The following NUP214 variants were observed in gnomAD, a reference collection of about 807,000 sequenced individuals.
NUP214 encodes nucleoporin 214, also known as nuclear pore complex protein Nup214.
A neutral mutation model predicts 196.2 loss-of-function variants in NUP214; 79 were observed. The ratio of observed to expected loss-of-function variants is 0.40; its 90% CI spans 0.34 to 0.49. NUP214 has a LOEUF of 0.49. Among genes scored for constraint, NUP214 ranks in the 20% least tolerant of loss-of-function variants. The pLI is 0.58. For synonymous variants in NUP214, 1,020 were observed against 990.5 expected (o/e 1.03, Z -0.56); for missense variants, 2,468 against 2,539.0 (o/e 0.97, Z 0.60).
At chr9:131,230,300 AT>A in intron 33 of NUP214, 1 of 254,630 alleles carries the variant, frequency 3.9e-6, no homozygotes, top group Non-Finnish European at 7.6e-6. Context: ...AAATGATAGA[AT>A]AAAGCTTAAG....
chr9:131,212,104 T>C (rs1313119136), intron 30 of NUP214, among the ~76,000 whole-genome samples: 1 of 152,204 alleles, frequency 6.6e-6, no homozygotes, highest in African/African-American at 2.4e-5. Flanking sequence ...GTGTCTGTCT[T>C]ACACGGTTGT....
chr9:131,137,615 A>C (rs905492993), intron 9 of NUP214, among the ~76,000 whole-genome samples: 2 of 129,956 alleles, frequency 1.5e-5, no homozygotes, highest in African/African-American at 6.0e-5. Flanking sequence ...CATTGGCGCC[A>C]TCTTGGCTCA....
intron 31 of NUP214, among the ~76,000 whole-genome samples, chr9:131,220,756 T>C (rs1192859002): frequency 6.6e-6 from 1 of 152,202 alleles, no homozygotes; most frequent in African/African-American, 2.4e-5. Flanking sequence ...GACACAGCTA[T>C]TAGGTAATCT....
intron 14 of NUP214, among the ~76,000 whole-genome samples, chr9:131,149,258 T>C (rs1832180868): frequency 6.6e-6 from 1 of 152,052 alleles, no homozygotes; most frequent in East Asian, 1.9e-4. Flanking sequence ...TGTTTGCTGT[T>C]AATGAATGCT....
rs1833092300 is a variant in NUP214, at chr9:131,175,591, C to T, written c.3289C>T (p.Leu1097Phe). The T allele has an allele frequency of 6.2e-7, 1 of 1,614,186 alleles. No homozygotes were observed. Among genetic ancestry groups the T allele is most frequent in the Non-Finnish European group, 8.5e-7 (1 of 1,180,036 alleles). Reference sequence around the variant, plus strand: ...CCCGCAGGCAGCTGCCGCAGCAGCACTCAGGCGGCAGATGGCCAGTCAGGC... The same window carrying T: ...CCCGCAGGCAGCTGCCGCAGCAGCATTCAGGCGGCAGATGGCCAGTCAGGC... The part of the protein sequence containing the change: ...SAPQAAAAAA[L>F]RRQMASQAPA... The change falls in exon 23 of 36, where the codon CTC becomes TTC. Residue 1097 changes from leucine to phenylalanine, a missense_variant. By Grantham distance (22) the Leu-to-Phe change is conservative. This residue lies in a region of NUP214 where 1,801 missense variants were observed against 1,779.4 expected (regional missense o/e 1.01). Coordinates refer to ENST00000359428, the MANE Select transcript of NUP214 (RefSeq NM_005085.4).
intron 29 of NUP214, among the ~76,000 whole-genome samples, chr9:131,199,540 G>A (rs1423480763): frequency 2.6e-5 from 4 of 152,080 alleles, no homozygotes; most frequent in Admixed American, 2.0e-4. Flanking sequence ...TTTGATTTGG[G>A]TTCTTTTCTA....
chr9:131,190,536 G>T (rs930359374), intron 26 of NUP214: 13 of 668,608 alleles, frequency 1.9e-5, no homozygotes, highest in Admixed American at 1.2e-4. Context: ...TTCCCTGAAA[G>T]GTGCTGCTTA....
intron 25 of NUP214, among the ~76,000 whole-genome samples, chr9:131,187,847 A>G (rs558078571): frequency 6.6e-6 from 1 of 152,364 alleles, no homozygotes; most frequent in East Asian, 1.9e-4. Flanking sequence ...TAATCAGGGT[A>G]GGTCAGTCAG....
Position 131,146,049 on chromosome 9 carries a change from C to T in NUP214, c.1770-80C>T. On this transcript the variant is annotated intron_variant, in intron 12 of 35. Coordinates refer to ENST00000359428, the MANE Select transcript of NUP214 (RefSeq NM_005085.4). This position sits in a 1 kb window ranked among gnomAD's most constrained non-coding sequence, Gnocchi z 4.6. ...GTTAACATAAAAGATAATAAGTTAT[C>T]TTTTGATGACATTGCTCATGCTAGT... 1 of 1,299,024 alleles carries T rather than the reference C, an allele frequency of 7.7e-7. No individual in the cohort carries two copies. Among genetic ancestry groups the T allele is most frequent in the Non-Finnish European group, 1.1e-6 (1 of 923,558 alleles). 80.5% of individuals were successfully genotyped at this position (1,299,024 alleles called of 1,614,324 possible).
chr9:131,158,085 A>AT (rs1272508318), intron 17 of NUP214, among the ~76,000 whole-genome samples: 2 of 147,908 alleles, frequency 1.4e-5, no homozygotes, highest in East Asian at 4.1e-4. Context: ...GCCCGGCCTG[A>AT]TTTTTTGTTT....
At chr9:131,127,382 C>CA in intron 1 of NUP214, 142 bp from the exon 2 acceptor site, 10 of 663,248 alleles carry the variant, frequency 1.5e-5, no homozygotes, top group Non-Finnish European at 2.2e-5. Context: ...GACTCCATCT[C>CA]AAAAAAGAAA....
intron 11 of NUP214, among the ~76,000 whole-genome samples, chr9:131,142,433 GC>G (rs1394954006): frequency 2.0e-5 from 3 of 152,250 alleles, no homozygotes; most frequent in Non-Finnish European, 2.9e-5. Context: ...CGTCCCATCA[GC>G]TAAGTCTAGC....
Position 131,206,397 on chromosome 9 carries a change from C to T in NUP214, c.5592+4680C>T, listed in dbSNP as rs548890485. Among the ~76,000 whole-genome samples the T allele has an allele frequency of 8.6e-5, 13 of 151,650 alleles. No individual in the cohort carries two copies. In the South Asian group the frequency reaches 1.2e-3, roughly 15 times the overall value. ...CTGGGCTTAAGCAATCTGCCTGCCT[C>T]GGCCTCCCAAAGTGCTGAGATTAGA... On this transcript the variant is annotated intron_variant, in intron 30 of 35. Coordinates refer to ENST00000359428, the MANE Select transcript of NUP214 (RefSeq NM_005085.4).
rs1834906953 is a variant in NUP214 at position 131,232,485 on chromosome 9, G to A, written c.6239+177G>A. ...GGGTTTTGTGGACTTGCTCTTCTCT[G>A]TAGCAATATGGCAGGAGGTGCCAGG... is the stretch of plus-strand genomic sequence containing the variant. On this transcript the variant is annotated intron_variant, in intron 35 of 35. Coordinates refer to ENST00000359428, the MANE Select transcript of NUP214 (RefSeq NM_005085.4). The surrounding 1 kb of genome is among the most constrained non-coding windows in gnomAD (Gnocchi z 5.1). 1.4e-6 allele frequency: 1 copy of A among 690,204 alleles called. No homozygotes were observed. The highest frequency in any genetic ancestry group is 2.6e-6 in the Non-Finnish European group (1 of 383,314). 42.8% of individuals were successfully genotyped at this position (690,204 alleles called of 1,614,324 possible).
At chr9:131,152,919 G>C (rs7023246) in intron 17 of NUP214, among the ~76,000 whole-genome samples, 1 of 152,026 alleles carries the variant, frequency 6.6e-6, no homozygotes, top group African/African-American at 2.4e-5. Context: ...GGGAGTACAG[G>C]TGTGTGCCAC....
chr9:131,132,837 G>C (rs1160941185), intron 6 of NUP214, 178 bp downstream of exon 6: 3 of 632,976 alleles, frequency 4.7e-6, no homozygotes, highest in Admixed American at 6.0e-5. Flanking sequence ...GGTGACATCT[G>C]TGTTTCACGA....
rs1831335531 is a variant in NUP214, at chr9:131,125,996, A to G, written c.45+247A>G. On this transcript the variant is annotated intron_variant, in intron 1 of 35. Coordinates refer to ENST00000359428, the MANE Select transcript of NUP214 (RefSeq NM_005085.4). This position sits in a 1 kb window ranked among gnomAD's most constrained non-coding sequence, Gnocchi z 4.1. The stretch of plus-strand genomic sequence containing the variant: ...CTAGCTACTTCCTGGGGCGGTCACA[A>G]TAGTGGCAATAACTGCTGTTTATTG... 1.8e-6 allele frequency: 1 copy of G among 544,098 alleles called. No homozygotes were observed. The highest frequency in any genetic ancestry group is 2.3e-5 in the South Asian group (1 of 43,296). The allele number at this position is 544,098 out of a possible 1,614,324, so 33.7% of individuals were successfully genotyped here. A position where few individuals can be genotyped will look rare whatever the true frequency, so the allele number is the denominator to read the frequency against.
chr9:131,198,376 C>T lies in NUP214; in HGVS notation c.4882C>T (p.Pro1628Ser), dbSNP rs757953523. The change falls in exon 29 of 36, where the codon CCA (proline) becomes TCA (serine). Residue 1628 changes from proline (P) to serine (S), a missense_variant. By Grantham distance (74) the Pro-to-Ser change is moderately conservative. Transcript: ENST00000359428. ...CACCACGTCCATTGTTGCTCCCGGC[C>T]CATCTGCAGAGGCAGCAGCATTTGG... Reference protein sequence around the residue: ...SSTTSIVAPGPSAEAAAFGTV... With the variant: ...SSTTSIVAPGSSAEAAAFGTV... 2 of 1,614,252 alleles carry T rather than the reference C, an allele frequency of 1.2e-6. No individual in the cohort carries two copies. Among genetic ancestry groups the T allele is most frequent in the African/African-American group, 1.3e-5 (1 of 75,062 alleles).
chr9:131,220,133 C>CA (rs1172549130), intron 31 of NUP214, among the ~76,000 whole-genome samples: 3 of 152,310 alleles, frequency 2.0e-5, no homozygotes, highest in Admixed American at 2.0e-4. Context: ...CCTAAAGTGT[C>CA]AGTCACAGAT....
Sources: allele counts gnomAD v4.1 joint callset (sites outside exome capture counted in the v4.1 genomes callset), GRCh38; gene constraint gnomAD v4.1.1; regional missense constraint gnomAD v4.1.1; non-coding constraint Gnocchi (gnomAD v3.1); transcripts MANE v1.5; gene names NCBI Gene and HGNC (gene_info 2026-07-23, HGNC 2026-07-21).